Variants in DST observed in about 807,000 individuals in gnomAD.
DST encodes dystonin, also known as bullous pemphigoid antigen.
A neutral mutation model predicts 875.2 loss-of-function variants in DST; 253 were observed. The observed-to-expected ratio is 0.29, with a 90% confidence interval of 0.26 to 0.32. The LOEUF is 0.32. Among genes scored for constraint, DST ranks in the 10% least tolerant of loss-of-function variants. The pLI is 1.00. For missense variants in DST, 8,287 were observed against 9,111.6 expected (o/e 0.91, Z 3.68); for synonymous variants, 3,124 against 3,197.1 (o/e 0.98, Z 0.77).
At chr6:56,489,230 T>C (rs1005473960) in intron 86 of DST, among the ~76,000 whole-genome samples, 2 of 152,210 alleles carry the variant, frequency 1.3e-5, no homozygotes, top group African/African-American at 4.8e-5. Context: ...ATGTTTTAGA[T>C]TGTAGAGGAT....
chr6:56,778,943 C>G (rs1347486249), intron 4 of DST, among the ~76,000 whole-genome samples: 1 of 151,874 alleles, frequency 6.6e-6, no homozygotes, highest in African/African-American at 2.4e-5. Context: ...GTTCTAGATC[C>G]CTGAGGAATC....
At chr6:56,824,317 G>A (rs919236408) in intron 4 of DST, among the ~76,000 whole-genome samples, 1 of 152,206 alleles carries the variant, frequency 6.6e-6, no homozygotes. Context: ...AGTGCTCAAT[G>A]GTACCCAGGC....
chr6:56,873,764 C>T (rs1251695576), intron 3 of DST, among the ~76,000 whole-genome samples: 3 of 152,118 alleles, frequency 2.0e-5, no homozygotes, highest in Non-Finnish European at 4.4e-5. Context: ...CACAAAAATA[C>T]ACTCAGAAGG....
intron 4 of DST, among the ~76,000 whole-genome samples, chr6:56,816,225 G>A (rs1019407018): frequency 2.6e-5 from 4 of 152,052 alleles, no homozygotes; most frequent in Admixed American, 6.6e-5. Flanking sequence ...TACTGAAGTC[G>A]GTTCAATAAC....
At chr6:56,487,906 T>A (rs1582897678) in intron 86 of DST, among the ~76,000 whole-genome samples, 3 of 152,182 alleles carry the variant, frequency 2.0e-5, no homozygotes, top group African/African-American at 7.2e-5. Context: ...TTGTAGCAAA[T>A]TAAAATTACC....
chr6:56,739,588 A>T (rs541433505), intron 4 of DST, among the ~76,000 whole-genome samples: 7 of 152,310 alleles, frequency 4.6e-5, no homozygotes, highest in African/African-American at 1.4e-4. Context: ...CAGATGGTTA[A>T]GGCATTCTAA....
chr6:56,907,913 C>T (rs1045764025), intron 2 of DST, among the ~76,000 whole-genome samples: 3 of 152,038 alleles, frequency 2.0e-5, no homozygotes, highest in Non-Finnish European at 2.9e-5. Flanking sequence ...GGTCAAACTC[C>T]GTCTCCACCA....
intron 53 of DST, among the ~76,000 whole-genome samples, chr6:56,571,764 T>C (rs1179727545): frequency 6.6e-6 from 1 of 152,260 alleles, no homozygotes; most frequent in Non-Finnish European, 1.5e-5. Flanking sequence ...AGGTTATTTC[T>C]GCCTTTGCAA....
rs1052061342 is a variant in DST at position 56,458,128 on chromosome 6, G to T, written c.*877C>A. ...ACCAGAACATGATTATTTCAGATGA[G>T]AAATCAAAATAAACCCATTTTTAAG... On this transcript the variant is annotated 3_prime_UTR_variant, in exon 104 of 104. Coordinates refer to ENST00000680361, the MANE Select transcript of DST (RefSeq NM_001374736.1). The T allele has an allele frequency of 6.6e-6, 1 of 152,270 alleles. No individual in the cohort carries two copies. Among genetic ancestry groups the T allele is most frequent in the African/African-American group, 2.4e-5 (1 of 41,362 alleles). 9.4% of individuals were successfully genotyped at this position (152,270 alleles called of 1,614,324 possible).
chr6:56,908,088 T>C (rs934776438), intron 2 of DST, among the ~76,000 whole-genome samples: 2 of 146,706 alleles, frequency 1.4e-5, no homozygotes, highest in Non-Finnish European at 3.1e-5. Context: ...AGAAAATACA[T>C]ATATATATAT....
intron 47 of DST, among the ~76,000 whole-genome samples, chr6:56,595,253 T>G (rs1197193429): frequency 6.6e-6 from 1 of 152,056 alleles, no homozygotes; most frequent in Admixed American, 6.6e-5. Flanking sequence ...TTAGGAGCTT[T>G]TTCTCCTGTT....
rs1016001215 is a variant in DST, at chr6:56,629,201, T to C, written c.4475+49A>G. 1.0e-5 allele frequency: 16 copies of C among 1,576,590 alleles called. No individual in the cohort carries two copies. The African/African-American group carries it at 1.1e-4, about 11-fold the overall frequency. ...ATGTGTAGATTTTACTCATTTACCA[T>C]AGATAGACATTAAATCTGTGCTAAA... On this transcript the variant is annotated intron_variant, in intron 32 of 103. Coordinates refer to ENST00000680361, the MANE Select transcript of DST (RefSeq NM_001374736.1).
rs779381963 is a variant in DST at position 56,630,240 on chromosome 6, C to A, written c.4281+5G>T. ...TTTAAAAATATCCAAAAGTGAGTCTCATACCTTTAAAGTACTTATTAGATT... is the reference window on the plus strand; with the variant it reads ...TTTAAAAATATCCAAAAGTGAGTCTAATACCTTTAAAGTACTTATTAGATT... On this transcript the variant is annotated splice_donor_5th_base_variant and intron_variant, in intron 31 of 103. Transcript: ENST00000680361. 1.9e-6 allele frequency: 3 copies of A among 1,574,348 alleles called. No individual in the cohort carries two copies. Among genetic ancestry groups the A allele is most frequent in the Non-Finnish European group, 2.6e-6 (3 of 1,146,640 alleles).
intron 13 of DST, among the ~76,000 whole-genome samples, chr6:56,647,470 C>G (rs1349068646): frequency 6.6e-6 from 1 of 152,186 alleles, no homozygotes; most frequent in Non-Finnish European, 1.5e-5. Flanking sequence ...CAATGAATAA[C>G]TCTAATGGAG....
chr6:56,769,591 G>A (rs971875062), intron 4 of DST, among the ~76,000 whole-genome samples: 1 of 152,164 alleles, frequency 6.6e-6, no homozygotes, highest in African/African-American at 2.4e-5. Context: ...AGGCCAAAGC[G>A]GGTGGATTGA....
intron 2 of DST, among the ~76,000 whole-genome samples, chr6:56,943,559 A>G (rs1042297734): frequency 6.6e-6 from 1 of 151,396 alleles, no homozygotes; most frequent in Non-Finnish European, 1.5e-5. Flanking sequence ...CAGCCTCCCA[A>G]GTAGCTGGGA....
chr6:56,700,981 C>CTTTTT (rs373838192), intron 8 of DST, among the ~76,000 whole-genome samples: 4 of 128,498 alleles, frequency 3.1e-5, no homozygotes, highest in Non-Finnish European at 6.5e-5. Context: ...TTTCTCTTGC[C>CTTTTT]TTTTTTTTTT....
At chr6:56,885,259 T>G (rs1784189052) in intron 3 of DST, among the ~76,000 whole-genome samples, 1 of 152,156 alleles carries the variant, frequency 6.6e-6, no homozygotes, top group Middle Eastern at 3.2e-3. Context: ...AATGACTGAC[T>G]GAGGTGAAGG....
chr6:56,774,374 G>A (rs2099673663), intron 4 of DST, among the ~76,000 whole-genome samples: 2 of 152,020 alleles, frequency 1.3e-5, no homozygotes, highest in African/African-American at 2.4e-5. Flanking sequence ...CCCCATCCAT[G>A]CCCTACCCAT....
Sources: allele counts gnomAD v4.1 joint callset (sites outside exome capture counted in the v4.1 genomes callset), GRCh38; gene constraint gnomAD v4.1.1; transcripts MANE v1.5; gene names NCBI Gene and HGNC (gene_info 2026-07-23, HGNC 2026-07-21).